Variants in ANKFN1 observed in about 807,000 individuals in gnomAD.
ANKFN1 encodes ankyrin repeat and fibronectin type-III domain-containing protein 1.
A neutral mutation model predicts 108.7 loss-of-function variants in ANKFN1; 74 were observed. That is an observed-to-expected ratio of 0.68 (90% confidence interval 0.56 to 0.83). The LOEUF is 0.83. ANKFN1 is among the 40% of genes least tolerant of loss of function. The probability of loss-of-function intolerance (pLI) is 0.00; values close to 1 mark genes in which losing one functional copy is unlikely to be tolerated. For synonymous variants in ANKFN1, 547 were observed against 516.2 expected (o/e 1.06, Z -0.81); for missense variants, 1,505 against 1,382.3 (o/e 1.09, Z -1.41).
intron 3 of ANKFN1, among the ~76,000 whole-genome samples, chr17:56,272,983 C>G (rs1215823667): frequency 1.3e-5 from 2 of 152,166 alleles, no homozygotes; most frequent in Non-Finnish European, 2.9e-5. Context: ...CCTGATTCAA[C>G]AGCCCAAATA....
At chr17:56,334,040 T>C (rs1042500469) in intron 4 of ANKFN1, among the ~76,000 whole-genome samples, 13 of 152,080 alleles carry the variant, frequency 8.5e-5, no homozygotes, top group African/African-American at 2.9e-4. Flanking sequence ...ATTTCATTAT[T>C]AAATATTAAG....
At chr17:56,180,453 G>A (rs555106517) in intron 1 of ANKFN1, among the ~76,000 whole-genome samples, 2 of 152,212 alleles carry the variant, frequency 1.3e-5, no homozygotes, top group East Asian at 1.9e-4. Flanking sequence ...TGAGCCTCAG[G>A]CATCCACATA....
chr17:56,496,265 T>A (rs1003372782), intron 19 of ANKFN1, among the ~76,000 whole-genome samples: 1 of 152,236 alleles, frequency 6.6e-6, no homozygotes, highest in African/African-American at 2.4e-5. Context: ...TTTAAAAAAA[T>A]TTCTACGCTA....
Position 56,511,443 on chromosome 17 carries a change from G to A in ANKFN1, c.*174G>A. 2.9e-6 allele frequency: 2 copies of A among 699,902 alleles called. No individual in the cohort carries two copies. Among genetic ancestry groups the A allele is most frequent in the Non-Finnish European group, 2.3e-6 (1 of 435,560 alleles). 43.4% of individuals were successfully genotyped at this position (699,902 alleles called of 1,614,324 possible). A position where few individuals can be genotyped will look rare whatever the true frequency, so the allele number is the denominator to read the frequency against. ...TTTTGGAACAGAGTGGTGGGTGGAGGCCAGAGTTGCCAGTGCCATTCCCAC... is the reference window on the plus strand; with the variant it reads ...TTTTGGAACAGAGTGGTGGGTGGAGACCAGAGTTGCCAGTGCCATTCCCAC... On this transcript the variant is annotated 3_prime_UTR_variant, in exon 21 of 21. Transcript: ENST00000682825.
chr17:56,235,368 T>C (rs1917047396), intron 3 of ANKFN1, among the ~76,000 whole-genome samples: 1 of 152,212 alleles, frequency 6.6e-6, no homozygotes, highest in Admixed American at 6.6e-5. Context: ...TTAGATCCCA[T>C]TTGTCAACTT....
rs867073090 is a variant in ANKFN1, at chr17:56,178,010, C to T, written c.-71+24480C>T. On this transcript the variant is annotated intron_variant, in intron 1 of 20. Coordinates refer to ENST00000682825, the MANE Select transcript of ANKFN1 (RefSeq NM_001370326.1). ...CTGCTAAAGAAATTTACCAATTTTT[C>T]TTGTGTATTAATGTAACCAGCCCTT... Among the ~76,000 whole-genome samples, 4 of 152,142 alleles carry T rather than the reference C, an allele frequency of 2.6e-5. No individual in the cohort carries two copies. In the South Asian group the frequency reaches 6.2e-4, roughly 24 times the overall value.
At chr17:56,394,397 G>C (rs1426999274) in intron 8 of ANKFN1, among the ~76,000 whole-genome samples, 3 of 152,116 alleles carry the variant, frequency 2.0e-5, no homozygotes, top group African/African-American at 7.2e-5. Context: ...GGGAACTCTG[G>C]AGCCATGAAG....
rs1341225701 is a variant in ANKFN1, at chr17:56,449,136, A to G, written c.1157A>G (p.Glu386Gly). Reference protein sequence around the residue: ...PRHKGQSEVLEGLLQQVRALH... With the variant: ...PRHKGQSEVLGGLLQQVRALH... ...CACAAGGGACAGAGTGAAGTTTTGG[A>G]AGGTCTGCTGCAGCAGGTCCGAGCC... is the stretch of plus-strand genomic sequence containing the variant. The change falls in exon 11 of 21, where the codon GAA becomes GGA. Residue 386 changes from glutamate to glycine, a missense_variant. Glu to Gly is a moderately conservative substitution (Grantham distance 98). Transcript: ENST00000682825. The G allele has an allele frequency of 6.2e-7, 1 of 1,613,564 alleles. No individual in the cohort carries two copies. The highest frequency in any genetic ancestry group is 8.5e-7 in the Non-Finnish European group (1 of 1,179,612).
chr17:56,100,794 T>C (rs1905631709), intron 4 of ANKFN1, among the ~76,000 whole-genome samples: 1 of 152,208 alleles, frequency 6.6e-6, no homozygotes, highest in Non-Finnish European at 1.5e-5. Context: ...TTCCCAAATT[T>C]AGGATGTAGT....
chr17:56,103,446 G>A lies in ANKFN1; in HGVS notation c.288+57121G>A, dbSNP rs139449163. ...AGAGAACATCTGCTGGAGGAGGACC[G>A]GAGAGCAGCATGTATCATGGGGGAG... On this transcript the variant is annotated intron_variant, in intron 4 of 12. Coordinates refer to the ANKFN1 transcript ENST00000635860. Among the ~76,000 whole-genome samples the A allele has an allele frequency of 5.4e-3, 827 of 152,280 alleles. 7 individuals carry two copies. Among genetic ancestry groups the A allele is most frequent in the African/African-American group, 0.018 (744 of 41,554 alleles).
chr17:56,412,060 G>A (rs1473638138), intron 8 of ANKFN1, among the ~76,000 whole-genome samples: 1 of 152,082 alleles, frequency 6.6e-6, no homozygotes, highest in African/African-American at 2.4e-5. Flanking sequence ...AAGAAGTATT[G>A]GCTGTTTTTT....
chr17:56,145,025 T>A (rs1598137876), intron 4 of ANKFN1, among the ~76,000 whole-genome samples: 1 of 152,232 alleles, frequency 6.6e-6, no homozygotes, highest in Non-Finnish European at 1.5e-5. Flanking sequence ...ATCTTTCCCC[T>A]CTCCTTGGGG....
chr17:56,304,037 A>T (rs2044747824), intron 3 of ANKFN1, among the ~76,000 whole-genome samples: 1 of 152,078 alleles, frequency 6.6e-6, no homozygotes, highest in South Asian at 2.1e-4. Context: ...TAGTGGTAAC[A>T]TCTTCCATCC....
intron 8 of ANKFN1, among the ~76,000 whole-genome samples, chr17:56,398,972 A>G (rs980804336): frequency 2.6e-5 from 4 of 152,186 alleles, no homozygotes; most frequent in Non-Finnish European, 4.4e-5. Flanking sequence ...GCTGGTACAT[A>G]ATAGACCAAT....
chr17:56,360,035 G>A (rs565275154), intron 6 of ANKFN1, among the ~76,000 whole-genome samples: 3 of 152,264 alleles, frequency 2.0e-5, no homozygotes, highest in East Asian at 3.9e-4. Flanking sequence ...TATTTAGAGA[G>A]ATTTCCTGAA....
intron 1 of ANKFN1, among the ~76,000 whole-genome samples, chr17:56,158,446 T>G (rs1321378594): frequency 1.3e-5 from 2 of 152,200 alleles, no homozygotes; most frequent in Non-Finnish European, 2.9e-5. Context: ...AGAAATGAAA[T>G]GAAATGAAAC....
chr17:56,489,320 A>G (rs891863011), intron 18 of ANKFN1, among the ~76,000 whole-genome samples: 1 of 152,216 alleles, frequency 6.6e-6, no homozygotes, highest in Admixed American at 6.5e-5. Context: ...TGAGATTCAC[A>G]TTTTTAAAAA....
intron 3 of ANKFN1, among the ~76,000 whole-genome samples, chr17:56,235,240 A>T (rs1410563558): frequency 6.6e-6 from 1 of 152,178 alleles, no homozygotes; most frequent in African/African-American, 2.4e-5. Context: ...TTCCTTACAG[A>T]TGCTGGATAT....
chr17:56,457,351 A>C lies in ANKFN1; in HGVS notation c.1402A>C (p.Thr468Pro). ...AATTGTTGAAATAGATGACTCTCAC[A>C]CCAGTTCTATTACACAAGATTTTCT... Reference protein sequence around the residue: ...VPIVEIDDSHTSSITQDFLWF... With the variant: ...VPIVEIDDSHPSSITQDFLWF... Residue 468 changes from threonine (T) to proline (P), a missense_variant, in exon 13 of 21, where the codon ACC (threonine) becomes CCC (proline). Physicochemically the swap from Thr to Pro is conservative, Grantham distance 38 (BLOSUM62 -1). Transcript: ENST00000682825. 2 of 1,605,942 alleles carry C rather than the reference A, an allele frequency of 1.2e-6. No homozygotes were observed. The highest frequency in any genetic ancestry group is 1.7e-4 in the Middle Eastern group (1 of 6,030).
Sources: allele counts gnomAD v4.1 joint callset (sites outside exome capture counted in the v4.1 genomes callset), GRCh38; gene constraint gnomAD v4.1.1; transcripts MANE v1.5; gene names NCBI Gene and HGNC (gene_info 2026-07-23, HGNC 2026-07-21).